Variants in NFATC3 observed in about 807,000 individuals in gnomAD.
The protein encoded by NFATC3 is nuclear factor of activated T cells 3, also known as nuclear factor of activated T-cells, cytoplasmic 3.
A neutral mutation model predicts 98.6 loss-of-function variants in NFATC3; 46 were observed. The ratio of observed to expected loss-of-function variants is 0.47; its 90% CI spans 0.37 to 0.60. The LOEUF is 0.60. Ranked by LOEUF, NFATC3 falls within the 20% of genes least tolerant of loss-of-function variation. The pLI, the probability that NFATC3 is intolerant of heterozygous loss-of-function variation, is 0.00. For missense variants in NFATC3, 1,256 were observed against 1,295.5 expected, an observed-to-expected ratio of 0.97 and a Z score of 0.47; for synonymous variants, 512 against 472.2, an observed-to-expected ratio of 1.08 and a Z score of -1.09.
intron 1 of NFATC3, among the ~76,000 whole-genome samples, chr16:68,102,044 G>A (rs1424137539): frequency 6.6e-6 from 1 of 151,946 alleles, no homozygotes; most frequent in Non-Finnish European, 1.5e-5. Flanking sequence ...GCTTACTGAT[G>A]GTAATAGGAG....
chr16:68,101,553 G>A (rs1488613532), intron 1 of NFATC3, among the ~76,000 whole-genome samples: 1 of 150,782 alleles, frequency 6.6e-6, no homozygotes, highest in South Asian at 2.1e-4. Flanking sequence ...GCGCGATCTC[G>A]GCTCACTGCA....
intron 4 of NFATC3, among the ~76,000 whole-genome samples, 164 bp from the exon 5 acceptor site, chr16:68,166,679 G>A (rs1266099020): frequency 1.3e-5 from 2 of 152,172 alleles, no homozygotes; most frequent in Admixed American, 1.3e-4. Flanking sequence ...TATTTTTAAT[G>A]CCTAAACTTC....
At chr16:68,167,751 C>G (rs1315327442) in intron 5 of NFATC3, among the ~76,000 whole-genome samples, 2 of 141,402 alleles carry the variant, frequency 1.4e-5, no homozygotes, top group African/African-American at 5.2e-5. Context: ...GCCTAGAAAA[C>G]AGGTTTTCTT....
Position 68,117,117 on chromosome 16 carries a change from C to T in NFATC3, c.104-4870C>T, listed in dbSNP as rs781215269. Among the ~76,000 whole-genome samples the T allele has an allele frequency of 8.2e-4, 125 of 152,148 alleles. 2 individuals are homozygous for T. The highest frequency in any genetic ancestry group is 2.8e-4 in the Non-Finnish European group (19 of 67,992). On this transcript the variant is annotated intron_variant, in intron 1 of 9. Coordinates refer to ENST00000346183, the MANE Select transcript of NFATC3 (RefSeq NM_173165.3). The stretch of plus-strand genomic sequence containing the variant: ...AGTAGAGAGGATCTGAACAAGGGGC[C>T]AAGGAAAATTTCTGTGAGTTAAACA...
chr16:68,224,340 G>A (rs1440699556), intron 9 of NFATC3, among the ~76,000 whole-genome samples: 4 of 143,190 alleles, frequency 2.8e-5, no homozygotes, highest in South Asian at 4.4e-4. Context: ...GCAGTGGCAC[G>A]ATCTTGGCTC....
rs144511528 is a variant in NFATC3, at chr16:68,122,830, A to G, written c.947A>G (p.His316Arg). 155 of 1,614,268 alleles carry G rather than the reference A, an allele frequency of 9.6e-5. No individual in the cohort carries two copies. In the African/African-American group the frequency reaches 2.0e-3, roughly 21 times the overall value. ...GATACGTGGCTCAATGCTTCTGTCC[A>G]TGGTGGGTCAGGCCTTGGCCCTGCA... ...TEDTWLNASV[H>R]GGSGLGPAVF... The change falls in exon 2 of 10, where the codon CAT (histidine) becomes CGT (arginine). Residue 316 changes from histidine (H) to arginine (R), a missense_variant. His to Arg is a conservative substitution (Grantham distance 29). This residue lies in a region of NFATC3 where 464 missense variants were observed against 465.7 expected (regional missense o/e 1.00). Transcript: ENST00000346183.
In NFATC3 at chr16:68,178,213, A is replaced by G. The variant is rs183383747; in HGVS notation, c.1916-3262A>G. On this transcript the variant is annotated intron_variant, in intron 6 of 9. Transcript: ENST00000346183. ...ATACCCACTGGATATTGCTTCATAA[A>G]TGTCTCACTGATACTTAAAATATGA... Among the ~76,000 whole-genome samples the G allele has an allele frequency of 1.8e-3, 281 of 152,282 alleles. 4 individuals are homozygous for G. Among genetic ancestry groups the G allele is most frequent in the Non-Finnish European group, 2.7e-3 (184 of 68,022 alleles).
At chr16:68,163,333 A>C (rs1191030835) in intron 4 of NFATC3, among the ~76,000 whole-genome samples, 1 of 149,262 alleles carries the variant, frequency 6.7e-6, no homozygotes. Context: ...GGCGCCCCTC[A>C]CCTCCCGGGC....
chr16:68,106,696 G>T (rs2035674152), intron 1 of NFATC3, among the ~76,000 whole-genome samples: 1 of 151,680 alleles, frequency 6.6e-6, no homozygotes, highest in African/African-American at 2.4e-5. Context: ...AAAGAGCTGG[G>T]ATTACAGACG....
rs2042046858 is a variant in NFATC3, at chr16:68,226,897, C to CAAAAAAAAAAAAAAAGAAAAAAAAAAAAA, written c.*441_*442insGAAAAAAAAAAAAAAAAAAAAAAAAAAAA. ...AACTTTTGATAAGACCTTCTAGAAG[C>CAAAAAAAAAAAAAAAGAAAAAAAAAAAAA]AAAAAAAAAAAAAAAAAAAAAAAAA... On this transcript the variant is annotated 3_prime_UTR_variant, in exon 10 of 10. Transcript: ENST00000346183. 3.3e-5 allele frequency: 1 copy of CAAAAAAAAAAAAAAAGAAAAAAAAAAAAA among 30,332 alleles called. No homozygotes were observed. Among genetic ancestry groups the CAAAAAAAAAAAAAAAGAAAAAAAAAAAAA allele is most frequent in the African/African-American group, 1.5e-4 (1 of 6,846 alleles). The allele number at this position is 30,332 out of a possible 1,614,324, so 1.9% of individuals were successfully genotyped here. A position where few individuals can be genotyped will look rare whatever the true frequency, so the allele number is the denominator to read the frequency against.
At chr16:68,170,491 G>C (rs762517820) in intron 5 of NFATC3, among the ~76,000 whole-genome samples, 34 of 147,466 alleles carry the variant, frequency 2.3e-4, no homozygotes, top group Middle Eastern at 7.1e-3. Context: ...TTTTCTGGCT[G>C]TTCTTTTTTT....
chr16:68,144,991 G>A (rs1426447798), intron 3 of NFATC3, among the ~76,000 whole-genome samples: 2 of 151,840 alleles, frequency 1.3e-5, no homozygotes, highest in Non-Finnish European at 2.9e-5. Context: ...TTTTTTCGTA[G>A]AGATGGCAAT....
chr16:68,097,039 C>T (rs929857186), intron 1 of NFATC3, among the ~76,000 whole-genome samples: 4 of 151,944 alleles, frequency 2.6e-5, no homozygotes, highest in East Asian at 1.9e-4. Flanking sequence ...GCAGTGAAGA[C>T]GACAAAGTGG....
At chr16:68,220,824 CAA>C (rs934377337) in intron 9 of NFATC3, among the ~76,000 whole-genome samples, 11 of 149,920 alleles carry the variant, frequency 7.3e-5, no homozygotes, top group African/African-American at 2.7e-4. Flanking sequence ...GAGGCTGAGA[CAA>C]GAGAATGGCG....
intron 9 of NFATC3, among the ~76,000 whole-genome samples, chr16:68,211,401 T>C (rs1340146413): frequency 1.3e-5 from 2 of 152,034 alleles, no homozygotes; most frequent in Non-Finnish European, 1.5e-5. Context: ...TTGGCCAGGA[T>C]GGTTTCTATC....
chr16:68,210,276 C>A (rs1237483826), intron 9 of NFATC3, among the ~76,000 whole-genome samples: 1 of 143,286 alleles, frequency 7.0e-6, no homozygotes, highest in Admixed American at 7.3e-5. Context: ...CCAGCCTGGG[C>A]GACAGAGTGA....
chr16:68,126,651 C>T, intron 3 of NFATC3, 41 bp downstream of exon 3: 1 of 1,599,918 alleles, frequency 6.3e-7, no homozygotes, highest in Non-Finnish European at 8.6e-7. Flanking sequence ...TACCATACAC[C>T]TAGTGATGAT....
rs1425986245 is a variant in NFATC3, at chr16:68,107,109, G to A, written c.104-14878G>A. 2.0e-5 allele frequency among the ~76,000 whole-genome samples: 3 copies of A among 152,112 alleles called. No individual in the cohort carries two copies. In the East Asian group the frequency reaches 5.8e-4, roughly 29 times the overall value. ...TTTTATGGCTGCACAGTATTCCATG[G>A]TGTATGTGTACTACATTTTCTTTAT... On this transcript the variant is annotated intron_variant, in intron 1 of 9. Coordinates refer to ENST00000346183, the MANE Select transcript of NFATC3 (RefSeq NM_173165.3).
At chr16:68,204,078 C>T (rs1414466781) in intron 9 of NFATC3, among the ~76,000 whole-genome samples, 4 of 152,150 alleles carry the variant, frequency 2.6e-5, no homozygotes, top group Non-Finnish European at 5.9e-5. Context: ...ATCTCAGCTA[C>T]TTGGGAGGCT....
Sources: allele counts gnomAD v4.1 joint callset (sites outside exome capture counted in the v4.1 genomes callset), GRCh38; gene constraint gnomAD v4.1.1; regional missense constraint gnomAD v4.1.1; transcripts MANE v1.5; gene names NCBI Gene and HGNC (gene_info 2026-07-23, HGNC 2026-07-21).